The following BCKDHB variants were observed in gnomAD, a reference collection of about 807,000 sequenced individuals.
The protein encoded by BCKDHB is 2-oxoisovalerate dehydrogenase subunit beta, mitochondrial.
A neutral mutation model predicts 48.5 loss-of-function variants in BCKDHB; 41 were observed. The observed-to-expected ratio is 0.85, with a 90% CI of 0.66 to 1.10. BCKDHB has a LOEUF of 1.10. BCKDHB is among the 50% of genes least tolerant of loss of function. The pLI is 0.00. For missense variants in BCKDHB, 496 were observed against 494.2 expected, an observed-to-expected ratio of 1.00 and a Z score of -0.03; for synonymous variants, 201 against 174.8, an observed-to-expected ratio of 1.15 and a Z score of -1.18.
At chr6:80,161,812 C>T (rs1239108536) in intron 3 of BCKDHB, among the ~76,000 whole-genome samples, 1 of 152,184 alleles carries the variant, frequency 6.6e-6, no homozygotes, top group Non-Finnish European at 1.5e-5. Context: ...TTGAAGCATC[C>T]TCAACTCTGA....
the BCKDHB span, among the ~76,000 whole-genome samples, chr6:80,430,318 A>C: frequency 6.6e-6 from 1 of 152,144 alleles, no homozygotes. Flanking sequence ...ATATTGGCCT[A>C]AAATTTTCTT....
intron 8 of BCKDHB, among the ~76,000 whole-genome samples, chr6:80,210,747 G>T (rs987564750): frequency 4.6e-5 from 7 of 152,128 alleles, no homozygotes; most frequent in Middle Eastern, 3.4e-3. Context: ...CCTTCGTTCA[G>T]TTTCTCCCTG....
the BCKDHB span, among the ~76,000 whole-genome samples, chr6:80,392,862 CTTTTTTT>C: frequency 2.0e-5 from 2 of 102,064 alleles, no homozygotes; most frequent in African/African-American, 6.4e-5. Flanking sequence ...ACCTTTTTAA[CTTTTTTT>C]TTTTTTTTTT....
At chr6:80,199,208 G>A (rs1375473239) in intron 6 of BCKDHB, among the ~76,000 whole-genome samples, 4 of 152,044 alleles carry the variant, frequency 2.6e-5, no homozygotes, top group South Asian at 2.1e-4. Context: ...TAAGGTAGGG[G>A]ATTTACCAAA....
chr6:80,464,227 A>G, the BCKDHB span, among the ~76,000 whole-genome samples: 57 of 152,228 alleles, frequency 3.7e-4, no homozygotes, highest in Middle Eastern at 3.4e-3. Context: ...TCCTGGGTTC[A>G]AGTGATTCTC....
chr6:80,442,311 T>G, the BCKDHB span, among the ~76,000 whole-genome samples: 12 of 152,196 alleles, frequency 7.9e-5, no homozygotes, highest in Non-Finnish European at 1.8e-4. Flanking sequence ...AACACTTTTA[T>G]TCACATGTAG....
intron 8 of BCKDHB, among the ~76,000 whole-genome samples, chr6:80,217,605 A>T (rs3805913): frequency 6.6e-6 from 1 of 151,986 alleles, no homozygotes; most frequent in Non-Finnish European, 1.5e-5. Context: ...CTTATAATGC[A>T]AAGTATCATC....
intron 3 of BCKDHB, among the ~76,000 whole-genome samples, chr6:80,166,494 A>T (rs1772575324): frequency 6.6e-6 from 1 of 151,944 alleles, no homozygotes; most frequent in African/African-American, 2.4e-5. Context: ...CGTCTTTCCT[A>T]AAAATACAAA....
chr6:80,156,697 C>G (rs1008808071), intron 3 of BCKDHB, among the ~76,000 whole-genome samples: 2 of 152,006 alleles, frequency 1.3e-5, no homozygotes, highest in Admixed American at 1.3e-4. Flanking sequence ...TTAAGGAAGC[C>G]ATGAGGTTAT....
At chr6:80,276,869 A>G (rs1562196628) in intron 9 of BCKDHB, among the ~76,000 whole-genome samples, 1 of 152,036 alleles carries the variant, frequency 6.6e-6, no homozygotes, top group Non-Finnish European at 1.5e-5. Context: ...AAATGATTAC[A>G]AAAATAAAAA....
chr6:80,331,800 A>T (rs909882493), intron 9 of BCKDHB, among the ~76,000 whole-genome samples: 2 of 152,196 alleles, frequency 1.3e-5, no homozygotes, highest in African/African-American at 4.8e-5. Context: ...GACACTTCTC[A>T]TCCCTTTTGG....
the BCKDHB span, among the ~76,000 whole-genome samples, chr6:80,447,150 A>G: frequency 1.3e-5 from 2 of 152,136 alleles, no homozygotes; most frequent in African/African-American, 2.4e-5. Flanking sequence ...ACTGTGTAGT[A>G]CAGTTGAAAG....
chr6:80,342,572 A>G (rs975841256), intron 9 of BCKDHB, among the ~76,000 whole-genome samples: 1 of 146,176 alleles, frequency 6.8e-6, no homozygotes, highest in African/African-American at 2.5e-5. Flanking sequence ...AAAAAAAAAA[A>G]AAAAAAAGAA....
intron 3 of BCKDHB, among the ~76,000 whole-genome samples, chr6:80,166,678 A>T (rs1424278898): frequency 6.6e-6 from 1 of 151,962 alleles, no homozygotes; most frequent in Non-Finnish European, 1.5e-5. Flanking sequence ...AAATTCTAAC[A>T]TAAGAATTTT....
the BCKDHB span, among the ~76,000 whole-genome samples, chr6:80,400,745 C>A: frequency 6.6e-6 from 1 of 151,918 alleles, no homozygotes; most frequent in African/African-American, 2.4e-5. Context: ...AATTTTTCTA[C>A]CGTAAAGACA....
chr6:80,142,744 T>C (rs1385232279), intron 3 of BCKDHB, among the ~76,000 whole-genome samples: 3 of 152,142 alleles, frequency 2.0e-5, no homozygotes, highest in Admixed American at 6.6e-5. Flanking sequence ...AGTTTATTTA[T>C]CTTTTGTCAG....
chr6:80,181,849 A>C (rs768512494), intron 6 of BCKDHB, among the ~76,000 whole-genome samples: 1 of 152,198 alleles, frequency 6.6e-6, no homozygotes, highest in African/African-American at 2.4e-5. Flanking sequence ...GAAGGGTGTG[A>C]ATACAGGGAG....
intron 9 of BCKDHB, among the ~76,000 whole-genome samples, chr6:80,338,529 C>A (rs556539146): frequency 2.6e-5 from 4 of 152,156 alleles, no homozygotes; most frequent in Non-Finnish European, 5.9e-5. Context: ...TCATACAGGC[C>A]TTACGTATTT....
Position 80,106,788 on chromosome 6 carries a change from C to T in BCKDHB, c.95C>T (p.Ala32Val). Residue 32 changes from alanine to valine, a missense_variant, in exon 1 of 10, where the codon GCG (alanine) becomes GTG (valine). By Grantham distance (64) the Ala-to-Val change is moderately conservative. Coordinates refer to ENST00000320393, the MANE Select transcript of BCKDHB (RefSeq NM_183050.4). ...CGTCGGCTTCCTGGCGCGGGGCTGG[C>T]GCGGGGCTTTTTGCACCCCGCCGCG... The part of the protein sequence containing the change: ...HWRRLPGAGL[A>V]RGFLHPAATV... 2 of 1,597,792 alleles carry T rather than the reference C, an allele frequency of 1.3e-6. No individual in the cohort carries two copies. Among genetic ancestry groups the T allele is most frequent in the Non-Finnish European group, 8.5e-7 (1 of 1,173,346 alleles).
Sources: allele counts gnomAD v4.1 joint callset (sites outside exome capture counted in the v4.1 genomes callset), GRCh38; gene constraint gnomAD v4.1.1; transcripts MANE v1.5; gene names NCBI Gene and HGNC (gene_info 2026-07-23, HGNC 2026-07-21).